ITGA8: variants seen among roughly 807,000 people sequenced by gnomAD.
ITGA8 encodes integrin alpha-8.
ITGA8 carries 91 observed loss-of-function variants against 142.3 expected under a neutral mutation model. That is an observed-to-expected ratio of 0.64 (90% CI 0.54 to 0.76). The LOEUF (loss-of-function observed/expected upper bound fraction) is 0.76. Among genes scored for constraint, ITGA8 ranks in the 30% least tolerant of loss-of-function variants. ITGA8 has a pLI of 0.00. For missense variants in ITGA8, 1,406 were observed against 1,327.7 expected (o/e 1.06, Z -0.92); for synonymous variants, 505 against 485.2 (o/e 1.04, Z -0.54).
chr10:15,648,803 A>G (rs985088998), intron 11 of ITGA8, among the ~76,000 whole-genome samples: 5 of 152,218 alleles, frequency 3.3e-5, no homozygotes, highest in East Asian at 1.9e-4. Flanking sequence ...ATCAAAAGAT[A>G]TCCTGTGTAC....
intron 25 of ITGA8, among the ~76,000 whole-genome samples, chr10:15,566,869 CTGGGAGG>C (rs1834090150): frequency 7.8e-6 from 1 of 128,776 alleles, no homozygotes; most frequent in Admixed American, 7.5e-5. Flanking sequence ...TCCCAGCACT[CTGGGAGG>C]CTGAGGAGTG....
intron 24 of ITGA8, among the ~76,000 whole-genome samples, chr10:15,573,906 A>G (rs1461437592): frequency 6.6e-6 from 1 of 152,124 alleles, no homozygotes; most frequent in African/African-American, 2.4e-5. Flanking sequence ...AAAACAGAGC[A>G]AAACCAAACA....
intron 4 of ITGA8, among the ~76,000 whole-genome samples, chr10:15,680,956 C>G (rs571099876): frequency 2.0e-5 from 3 of 151,748 alleles, no homozygotes; most frequent in East Asian, 3.9e-4. Flanking sequence ...CATTTGTGAA[C>G]TTGATAATTA....
intron 20 of ITGA8, among the ~76,000 whole-genome samples, chr10:15,602,093 G>A (rs1833113807): frequency 6.6e-6 from 1 of 152,328 alleles, no homozygotes; most frequent in Non-Finnish European, 1.5e-5. Flanking sequence ...TAAACTGGAT[G>A]TTCTGCTAAA....
intron 11 of ITGA8, among the ~76,000 whole-genome samples, 153 bp from the exon 12 acceptor site, chr10:15,647,204 A>T (rs1423730917): frequency 2.0e-5 from 3 of 152,132 alleles, no homozygotes; most frequent in Non-Finnish European, 4.4e-5. Flanking sequence ...CTGCTTTGTT[A>T]TATCTATGGA....
chr10:15,631,718 G>GA lies in ITGA8; in HGVS notation c.1399+12311dup, dbSNP rs112308190. 2.1e-3 allele frequency among the ~76,000 whole-genome samples: 249 copies of GA among 116,756 alleles called. 3 individuals are homozygous for GA. In the East Asian group the frequency reaches 0.026, roughly 12 times the overall value. 76.6% of individuals were successfully genotyped at this position (116,756 alleles called of 152,430 possible). A position where few individuals can be genotyped will look rare whatever the true frequency, so the allele number is the denominator to read the frequency against. Reference sequence around the variant, plus strand: ...TATCCCAGAACTTAAAGTATATTAAGAAAAAAAAAAAAAAGCCATGGCCAA... The same window carrying GA: ...TATCCCAGAACTTAAAGTATATTAAGAAAAAAAAAAAAAAAGCCATGGCCAA... On this transcript the variant is annotated intron_variant, in intron 13 of 29. Coordinates refer to ENST00000378076, the MANE Select transcript of ITGA8 (RefSeq NM_003638.3).
At chr10:15,698,910 G>A (rs1835106554) in intron 2 of ITGA8, among the ~76,000 whole-genome samples, 1 of 152,140 alleles carries the variant, frequency 6.6e-6, no homozygotes, top group South Asian at 2.1e-4. Context: ...AGTCTTTTCA[G>A]TTTAATTAAG....
intron 16 of ITGA8, among the ~76,000 whole-genome samples, 191 bp from the exon 17 acceptor site, chr10:15,608,022 T>C (rs1419738380): frequency 1.3e-5 from 2 of 152,184 alleles, no homozygotes; most frequent in South Asian, 2.1e-4. Flanking sequence ...AATGGTTTTA[T>C]AAAAGTTGTC....
At position 15,681,475 on chromosome 10, in the gene ITGA8, G is replaced by A. The variant is rs138701571; in HGVS notation, c.568+2529C>T. On this transcript the variant is annotated intron_variant, in intron 4 of 29. Coordinates refer to ENST00000378076, the MANE Select transcript of ITGA8 (RefSeq NM_003638.3). Reference sequence around the variant, plus strand: ...CCATTCTGTCTTTGTTGAGCTGTTAGGCTACTGTGTCCATGTAGCTTAAGA... The same window carrying A: ...CCATTCTGTCTTTGTTGAGCTGTTAAGCTACTGTGTCCATGTAGCTTAAGA... Among the ~76,000 whole-genome samples, 400 of 152,290 alleles carry A rather than the reference G, an allele frequency of 2.6e-3. 2 individuals carry two copies. The highest frequency in any genetic ancestry group is 9.2e-3 in the African/African-American group (381 of 41,560).
Position 15,719,800 on chromosome 10 carries a change from C to T in ITGA8, c.-29G>A, listed in dbSNP as rs987699384. On this transcript the variant is annotated 5_prime_UTR_variant, in exon 1 of 30. Coordinates refer to ENST00000378076, the MANE Select transcript of ITGA8 (RefSeq NM_003638.3). ...CCTCCGCCCCGGTGGGTGGCTGCTA[C>T]CCAGGAGCGCGAGCCGAGGACCCCT... 3.1e-5 allele frequency: 41 copies of T among 1,326,736 alleles called. No individual in the cohort carries two copies. The highest frequency in any genetic ancestry group is 2.8e-4 in the Middle Eastern group (1 of 3,632). 82.2% of individuals were successfully genotyped at this position (1,326,736 alleles called of 1,614,324 possible).
chr10:15,530,834 C>G (rs1833275042), intron 28 of ITGA8, among the ~76,000 whole-genome samples: 1 of 152,126 alleles, frequency 6.6e-6, no homozygotes, highest in Non-Finnish European at 1.5e-5. Context: ...TAGTCCTGCC[C>G]TGTAATTTTC....
chr10:15,685,634 A>G (rs1834820677), intron 3 of ITGA8, among the ~76,000 whole-genome samples: 1 of 152,214 alleles, frequency 6.6e-6, no homozygotes, highest in Non-Finnish European at 1.5e-5. Flanking sequence ...TGCCTCATCC[A>G]TGCCTTTTCA....
chr10:15,575,484 G>T lies in ITGA8; in HGVS notation c.2478+5C>A. The T allele has an allele frequency of 6.3e-7, 1 of 1,598,708 alleles. No homozygotes were observed. Among genetic ancestry groups the T allele is most frequent in the Admixed American group, 1.7e-5 (1 of 59,976 alleles). On this transcript the variant is annotated splice_donor_5th_base_variant and intron_variant, in intron 24 of 29. Coordinates refer to ENST00000378076, the MANE Select transcript of ITGA8 (RefSeq NM_003638.3). ...TAACACAACTTTAACACAGACAATGGCTACCTCATAAATATGTTCCACCAA... is the reference window on the plus strand; with the variant it reads ...TAACACAACTTTAACACAGACAATGTCTACCTCATAAATATGTTCCACCAA...
At chr10:15,719,521 G>T (rs773696016) in intron 1 of ITGA8, 42 bp downstream of exon 1, 1 of 1,487,100 alleles carries the variant, frequency 6.7e-7, no homozygotes, top group Non-Finnish European at 8.9e-7. Context: ...ACCCGGGAGC[G>T]CCTTCGTCCC....
At chr10:15,541,283 T>C (rs1012242305) in intron 27 of ITGA8, among the ~76,000 whole-genome samples, 1 of 152,236 alleles carries the variant, frequency 6.6e-6, no homozygotes, top group African/African-American at 2.4e-5. Context: ...GCTTGAATTC[T>C]TTTCTGAATG....
At chr10:15,569,717 GT>G (rs1466023924) in intron 25 of ITGA8, among the ~76,000 whole-genome samples, 19 of 152,264 alleles carry the variant, frequency 1.2e-4, no homozygotes, top group Admixed American at 4.6e-4. Flanking sequence ...CTATGGCACA[GT>G]TTTGTTTTTT....
intron 2 of ITGA8, among the ~76,000 whole-genome samples, chr10:15,696,920 G>A (rs1835063419): frequency 6.6e-6 from 1 of 151,422 alleles, no homozygotes; most frequent in South Asian, 2.1e-4. Context: ...GAGGTGGGAG[G>A]ATCAGTTGAG....
At chr10:15,572,431 C>G in intron 24 of ITGA8, 62 bp from the exon 25 acceptor site, 1 of 1,455,064 alleles carries the variant, frequency 6.9e-7, no homozygotes. Context: ...AAATCAAACT[C>G]CATATACTCT....
chr10:15,609,932 A>C (rs1222280100), intron 15 of ITGA8, among the ~76,000 whole-genome samples: 1 of 152,020 alleles, frequency 6.6e-6, no homozygotes, highest in Non-Finnish European at 1.5e-5. Context: ...ACAAATGAAC[A>C]TTTTTTTCCT....
Sources: gnomAD v4.1 joint callset for allele counts (sites outside exome capture counted in the v4.1 genomes callset) on GRCh38, gnomAD v4.1.1 for gene constraint, MANE v1.5 for transcripts, NCBI Gene and HGNC (gene_info 2026-07-23, HGNC 2026-07-21) for gene names.